The following DIP2B variants were observed in gnomAD, a reference collection of about 807,000 sequenced individuals.
DIP2B encodes the protein disco-interacting protein 2 homolog B.
In DIP2B, 76 loss-of-function variants were observed where a neutral mutation model predicts 198.0. The observed-to-expected ratio is 0.38, with a 90% CI of 0.32 to 0.46. DIP2B has a LOEUF of 0.46. Ranked by LOEUF, DIP2B falls within the 20% of genes least tolerant of loss-of-function variation. The pLI, the probability that DIP2B is intolerant of heterozygous loss-of-function variation, is 0.99. For missense variants in DIP2B, 1,559 were observed against 1,978.4 expected (o/e 0.79, Z 4.02); for synonymous variants, 701 against 739.1 (o/e 0.95, Z 0.84).
chr12:50,659,492 C>T (rs1242487402), intron 3 of DIP2B, among the ~76,000 whole-genome samples: 1 of 148,086 alleles, frequency 6.8e-6, no homozygotes, highest in Non-Finnish European at 1.5e-5. Flanking sequence ...TTTTTTTTAG[C>T]GGGATACAAA....
intron 1 of DIP2B, among the ~76,000 whole-genome samples, chr12:50,536,879 T>TA (rs1958272666): frequency 6.6e-6 from 1 of 151,006 alleles, no homozygotes; most frequent in African/African-American, 2.4e-5. Flanking sequence ...TTTTTTTTTT[T>TA]AATGTTGAAC....
intron 25 of DIP2B, among the ~76,000 whole-genome samples, chr12:50,719,431 C>G (rs1400884083): frequency 6.6e-6 from 1 of 152,012 alleles, no homozygotes; most frequent in Non-Finnish European, 1.5e-5. Context: ...TTTTAAAAAC[C>G]CTAAGTTATT....
chr12:50,705,838 T>G (rs751982219), intron 20 of DIP2B, among the ~76,000 whole-genome samples: 1 of 152,238 alleles, frequency 6.6e-6, no homozygotes, highest in South Asian at 2.1e-4. Context: ...GTGAGTGACA[T>G]TCACGTGGAA....
intron 3 of DIP2B, among the ~76,000 whole-genome samples, chr12:50,646,801 C>CCCA (rs1938358853): frequency 6.6e-6 from 1 of 152,060 alleles, no homozygotes; most frequent in African/African-American, 2.4e-5. Flanking sequence ...AGTACTAACT[C>CCCA]GCTTTGCCAC....
chr12:50,714,495 C>T lies in DIP2B; in HGVS notation c.2750C>T (p.Thr917Met), dbSNP rs201231908. 85 of 1,614,156 alleles carry T rather than the reference C, an allele frequency of 5.3e-5. No individual in the cohort carries two copies. The East Asian group carries it at 1.5e-3, about 29-fold the overall frequency. The change falls in exon 23 of 38, where the codon ACG becomes ATG. Residue 917 changes from threonine (T) to methionine (M), a missense_variant. Coordinates refer to ENST00000301180, the MANE Select transcript of DIP2B (RefSeq NM_173602.3). ...TPLGGIHISQ[T>M]KQLFLEGSLH... ...CTAGGAGGAATCCATATATCTCAGA[C>T]GAAACAACTCTTTCTGGAGGGATCA...
At chr12:50,701,475 G>T (rs796614820) in intron 19 of DIP2B, among the ~76,000 whole-genome samples, 1 of 152,148 alleles carries the variant, frequency 6.6e-6, no homozygotes, top group East Asian at 1.9e-4. Flanking sequence ...TCTGCCTCCC[G>T]GGTTCAAACA....
intron 1 of DIP2B, among the ~76,000 whole-genome samples, chr12:50,515,317 C>T (rs184868635): frequency 2.0e-5 from 3 of 151,938 alleles, no homozygotes; most frequent in Admixed American, 2.0e-4. Flanking sequence ...TCACTGCAAC[C>T]CCCTCTCCCG....
intron 1 of DIP2B, among the ~76,000 whole-genome samples, chr12:50,605,785 T>TGAAC: frequency 6.6e-6 from 1 of 152,132 alleles, no homozygotes; most frequent in Non-Finnish European, 1.5e-5. Context: ...TTCATTCATT[T>TGAAC]TTCTCTTAAT....
At chr12:50,600,112 ATTAACT>A (rs1461534167) in intron 1 of DIP2B, among the ~76,000 whole-genome samples, 1 of 152,236 alleles carries the variant, frequency 6.6e-6, no homozygotes, top group Non-Finnish European at 1.5e-5. Flanking sequence ...ATGGTAAGTA[ATTAACT>A]TTTACTCATT....
intron 7 of DIP2B, among the ~76,000 whole-genome samples, chr12:50,678,412 AT>A (rs1938984480): frequency 6.6e-6 from 1 of 152,128 alleles, no homozygotes; most frequent in Non-Finnish European, 1.5e-5. Flanking sequence ...AAAAATGTAT[AT>A]TTTGTGCTAT....
intron 1 of DIP2B, among the ~76,000 whole-genome samples, chr12:50,617,394 A>C (rs538000842): frequency 3.8e-4 from 58 of 151,690 alleles, no homozygotes; most frequent in African/African-American, 1.3e-3. Flanking sequence ...TGACCTCATG[A>C]TCCACCTGCC....
intron 1 of DIP2B, among the ~76,000 whole-genome samples, chr12:50,541,644 T>G (rs1958326878): frequency 6.6e-6 from 1 of 152,180 alleles, no homozygotes; most frequent in Non-Finnish European, 1.5e-5. Context: ...GGAATCTAAT[T>G]TCTTCTGCTA....
At chr12:50,617,593 G>C (rs1013831156) in intron 1 of DIP2B, among the ~76,000 whole-genome samples, 1 of 152,144 alleles carries the variant, frequency 6.6e-6, no homozygotes, top group Non-Finnish European at 1.5e-5. Flanking sequence ...TGGATCACTT[G>C]AGGTCAGGAG....
chr12:50,664,329 C>T (rs1237453094), intron 4 of DIP2B, among the ~76,000 whole-genome samples: 2 of 151,990 alleles, frequency 1.3e-5, no homozygotes, highest in Non-Finnish European at 2.9e-5. Context: ...TGTCAGTCAC[C>T]CTAAAATTTG....
chr12:50,520,223 A>C (rs1283008863), intron 1 of DIP2B, among the ~76,000 whole-genome samples: 1 of 151,914 alleles, frequency 6.6e-6, no homozygotes, highest in Non-Finnish European at 1.5e-5. Flanking sequence ...TTTTTAGTGG[A>C]GACAGGGTTT....
At chr12:50,698,286 A>G (rs745786694) in intron 17 of DIP2B, 42 bp from the exon 18 acceptor site, 1 of 1,583,440 alleles carries the variant, frequency 6.3e-7, no homozygotes, top group East Asian at 2.3e-5. Flanking sequence ...TTTTCCCTTG[A>G]TGTTATTTCA....
intron 1 of DIP2B, among the ~76,000 whole-genome samples, chr12:50,532,520 C>A (rs1194584890): frequency 2.0e-5 from 3 of 151,842 alleles, no homozygotes; most frequent in African/African-American, 7.3e-5. Context: ...TCTCAAAAAA[C>A]AAAAAACAAA....
At chr12:50,642,128 GA>G (rs966403045) in intron 3 of DIP2B, among the ~76,000 whole-genome samples, 19 of 148,478 alleles carry the variant, frequency 1.3e-4, no homozygotes, top group African/African-American at 3.7e-4. Context: ...GTTCAGTCGG[GA>G]AAAAAAAAAT....
chr12:50,739,462 C>T lies in DIP2B; in HGVS notation c.4230C>T (p.Ser1410=), dbSNP rs770096400. 11 of 1,614,136 alleles carry T rather than the reference C, an allele frequency of 6.8e-6. No homozygotes were observed. Among genetic ancestry groups the T allele is most frequent in the South Asian group, 5.5e-5 (5 of 91,080 alleles). Residue 1410 remains serine, a synonymous_variant, in exon 36 of 38, where the codon AGC becomes AGT. Coordinates refer to ENST00000301180, the MANE Select transcript of DIP2B (RefSeq NM_173602.3). ...TASGYYTIYD[S]ETLQADHFNT... ...GCGGCTACTACACCATCTATGATAGCGAGACTCTTCAAGCTGATCATTTCA... is the reference window on the plus strand; with the variant it reads ...GCGGCTACTACACCATCTATGATAGTGAGACTCTTCAAGCTGATCATTTCA...
Sources: gnomAD v4.1 joint callset for allele counts (sites outside exome capture counted in the v4.1 genomes callset) on GRCh38, gnomAD v4.1.1 for gene constraint, MANE v1.5 for transcripts, NCBI Gene and HGNC (gene_info 2026-07-23, HGNC 2026-07-21) for gene names.